STXBP5L: variants seen among roughly 807,000 people sequenced by gnomAD.
STXBP5L encodes syntaxin-binding protein 5-like.
Under a neutral mutation model 144.5 loss-of-function variants are expected in STXBP5L, and 65 were observed. The ratio of observed to expected loss-of-function variants is 0.45; its 90% confidence interval spans 0.37 to 0.55. The LOEUF (loss-of-function observed/expected upper bound fraction) is 0.55. Ranked by LOEUF, STXBP5L falls within the 20% of genes least tolerant of loss-of-function variation. STXBP5L has a pLI of 0.00. For synonymous variants in STXBP5L, 505 were observed against 469.6 expected, an observed-to-expected ratio of 1.08 and a Z score of -0.97; for missense variants, 1,298 against 1,405.5, an observed-to-expected ratio of 0.92 and a Z score of 1.22.
chr3:121,132,233 T>A (rs2045024760), intron 7 of STXBP5L, among the ~76,000 whole-genome samples: 1 of 152,150 alleles, frequency 6.6e-6, no homozygotes, highest in Non-Finnish European at 1.5e-5. Context: ...ATCCCAGCTC[T>A]CAGCTTACCC....
chr3:121,085,735 A>T (rs1409147960), intron 5 of STXBP5L, among the ~76,000 whole-genome samples: 1 of 152,230 alleles, frequency 6.6e-6, no homozygotes, highest in Admixed American at 6.5e-5. Context: ...TATTATGAAA[A>T]TGGCCATATT....
chr3:121,408,600 G>T (rs2047047983), intron 23 of STXBP5L, among the ~76,000 whole-genome samples: 1 of 151,962 alleles, frequency 6.6e-6, no homozygotes, highest in South Asian at 2.1e-4. Context: ...TTGTTGGGAG[G>T]ACAGTAACAT....
At position 121,231,997 on chromosome 3, in the gene STXBP5L, C is replaced by T. The variant is rs567505644; in HGVS notation, c.1112-1619C>T. On this transcript the variant is annotated intron_variant, in intron 11 of 26. Transcript: ENST00000471454. ...AAGCTTCAGACATCTTTAGTCCATT[C>T]TGGATGGGGAAGGTTGACCTCCAGC... 1.6e-4 allele frequency among the ~76,000 whole-genome samples: 24 copies of T among 152,292 alleles called. No homozygotes were observed. The East Asian group carries it at 4.6e-3, about 29-fold the overall frequency.
intron 3 of STXBP5L, among the ~76,000 whole-genome samples, chr3:121,033,778 A>G (rs1349772464): frequency 6.6e-6 from 1 of 151,924 alleles, no homozygotes; most frequent in African/African-American, 2.4e-5. Context: ...ATATAAAATT[A>G]TATACTTTGA....
intron 18 of STXBP5L, among the ~76,000 whole-genome samples, chr3:121,261,837 AAG>A (rs1447803572): frequency 2.6e-5 from 4 of 152,206 alleles, no homozygotes; most frequent in African/African-American, 9.6e-5. Context: ...AGGAAAAAAT[AAG>A]AGAAGTTTCT....
chr3:121,324,981 C>G (rs1205938914), intron 20 of STXBP5L, among the ~76,000 whole-genome samples: 1 of 151,860 alleles, frequency 6.6e-6, no homozygotes, highest in Non-Finnish European at 1.5e-5. Flanking sequence ...TTCATAATAC[C>G]ATGAAATATT....
chr3:121,007,581 C>A (rs1179402069), intron 3 of STXBP5L, among the ~76,000 whole-genome samples: 2 of 151,840 alleles, frequency 1.3e-5, no homozygotes, highest in Non-Finnish European at 2.9e-5. Flanking sequence ...CATTATTCTC[C>A]TCAGGAATGA....
chr3:121,296,472 G>A (rs367596895), intron 19 of STXBP5L, among the ~76,000 whole-genome samples: 37 of 152,048 alleles, frequency 2.4e-4, no homozygotes, highest in African/African-American at 8.9e-4. Flanking sequence ...TAATCCCCAT[G>A]GTAGGAACAA....
intron 3 of STXBP5L, among the ~76,000 whole-genome samples, chr3:120,989,045 A>C (rs1942577706): frequency 6.6e-6 from 1 of 151,982 alleles, no homozygotes; most frequent in South Asian, 2.1e-4. Flanking sequence ...TATACACCAC[A>C]CTTTATTTCT....
At chr3:121,404,144 CCT>C (rs1416619075) in intron 22 of STXBP5L, among the ~76,000 whole-genome samples, 1 of 151,890 alleles carries the variant, frequency 6.6e-6, no homozygotes, top group Non-Finnish European at 1.5e-5. Context: ...TCCTGGTATT[CCT>C]CTCATTCCTC....
At chr3:121,077,421 C>T (rs1010699806) in intron 5 of STXBP5L, among the ~76,000 whole-genome samples, 1 of 152,066 alleles carries the variant, frequency 6.6e-6, no homozygotes, top group African/African-American at 2.4e-5. Context: ...GGAGTTTCTT[C>T]CTTCTGGTGG....
At position 121,378,848 on chromosome 3, in the gene STXBP5L, C is replaced by A; in HGVS notation, c.2309C>A (p.Ala770Glu). The A allele has an allele frequency of 6.2e-7, 1 of 1,613,634 alleles. No homozygotes were observed. Among genetic ancestry groups the A allele is most frequent in the Non-Finnish European group, 8.5e-7 (1 of 1,179,772 alleles). ...CCACCATTTCGAAAGGCCCAGTCAG[C>A]AGCCTGCATGGAGATTTCTTTACCA... is the stretch of plus-strand genomic sequence containing the variant. The part of the protein sequence containing the change: ...GRPPFRKAQS[A>E]ACMEISLPVT... Residue 770 changes from alanine (A) to glutamate (E), a missense_variant, in exon 21 of 27, where the codon GCA becomes GAA. Physicochemically the swap from Ala to Glu is moderately radical, Grantham distance 107. Transcript: ENST00000471454.
intron 20 of STXBP5L, among the ~76,000 whole-genome samples, chr3:121,320,474 A>G (rs911639345): frequency 3.0e-4 from 46 of 152,062 alleles, no homozygotes; most frequent in Admixed American, 1.2e-3. Context: ...CTAAAGGAAA[A>G]AATTGGCTAG....
At chr3:121,126,819 T>C (rs1248436148) in intron 7 of STXBP5L, among the ~76,000 whole-genome samples, 1 of 152,192 alleles carries the variant, frequency 6.6e-6, no homozygotes, top group Non-Finnish European at 1.5e-5. Flanking sequence ...TTTTTAGTAA[T>C]TCTAGAAGAT....
rs557907024 is a variant in STXBP5L at position 121,112,223 on chromosome 3, G to C, written c.471-2702G>C. Among the ~76,000 whole-genome samples, 14 of 152,014 alleles carry C rather than the reference G, an allele frequency of 9.2e-5. No homozygotes were observed. The South Asian group carries it at 2.5e-3, about 27-fold the overall frequency. On this transcript the variant is annotated intron_variant, in intron 5 of 26. Coordinates refer to ENST00000471454, the MANE Select transcript of STXBP5L (RefSeq NM_001308330.2). The stretch of plus-strand genomic sequence containing the variant: ...AACTTGGTAATCTTAGTCTCTAGCT[G>C]AGCGACCGCCAAGAATCTGCACAGC...
chr3:121,067,721 A>G (rs550838197), intron 5 of STXBP5L, among the ~76,000 whole-genome samples: 95 of 152,306 alleles, frequency 6.2e-4, no homozygotes, highest in Middle Eastern at 3.4e-3. Flanking sequence ...AGCTCCCACT[A>G]TGATTATAAA....
At chr3:121,054,480 A>G (rs373750464) in intron 5 of STXBP5L, among the ~76,000 whole-genome samples, 21 of 151,532 alleles carry the variant, frequency 1.4e-4, no homozygotes, top group African/African-American at 3.4e-4. Context: ...TCAGCAAACT[A>G]TCACAAGGAC....
intron 5 of STXBP5L, among the ~76,000 whole-genome samples, chr3:121,096,844 A>G (rs2043156085): frequency 6.6e-6 from 1 of 152,164 alleles, no homozygotes; most frequent in Non-Finnish European, 1.5e-5. Context: ...TTGAGCAGGC[A>G]GTCTGATGGT....
At chr3:121,266,218 GA>G (rs1196381966) in intron 18 of STXBP5L, among the ~76,000 whole-genome samples, 16 of 152,158 alleles carry the variant, frequency 1.1e-4, no homozygotes, top group African/African-American at 3.9e-4. Context: ...ACATCGATGC[GA>G]AAATCCTCAA....
Sources: gnomAD v4.1 joint callset for allele counts (sites outside exome capture counted in the v4.1 genomes callset) on GRCh38, gnomAD v4.1.1 for gene constraint, MANE v1.5 for transcripts, NCBI Gene and HGNC (gene_info 2026-07-23, HGNC 2026-07-21) for gene names.